EIPR1: variants seen among roughly 807,000 people sequenced by gnomAD.
The protein encoded by EIPR1 is EARP complex and GARP complex interacting protein 1.
Under a neutral mutation model 48.1 loss-of-function variants are expected in EIPR1, and 25 were observed. The observed-to-expected ratio is 0.52, with a 90% CI of 0.38 to 0.73. The LOEUF is 0.73. Among genes scored for constraint, EIPR1 ranks in the 30% least tolerant of loss-of-function variants. The pLI is 0.00. For synonymous variants in EIPR1, 204 were observed against 201.9 expected (o/e 1.01, Z -0.09); for missense variants, 415 against 506.2 (o/e 0.82, Z 1.73).
At position 3,285,477 on chromosome 2, in the gene EIPR1, A is replaced by T. The variant is rs191659173; in HGVS notation, c.260-28022T>A. On this transcript the variant is annotated intron_variant, in intron 3 of 8. Transcript: ENST00000382125. The stretch of plus-strand genomic sequence containing the variant: ...AAACACTGAGCGTTGGGGACTGAGC[A>T]CTTCTAGCTTCAAAACAGGAGTTTG... 3.3e-5 allele frequency among the ~76,000 whole-genome samples: 5 copies of T among 152,278 alleles called. No individual in the cohort carries two copies. In the East Asian group the frequency reaches 9.7e-4, roughly 29 times the overall value.
chr2:3,307,912 C>G (rs145653894), intron 3 of EIPR1, among the ~76,000 whole-genome samples: 249 of 152,248 alleles, frequency 1.6e-3, no homozygotes, highest in Admixed American at 3.1e-3. Context: ...TTGATCATGA[C>G]CCATTGTATA....
intron 3 of EIPR1, among the ~76,000 whole-genome samples, chr2:3,299,502 T>C (rs1253696734): frequency 2.6e-5 from 4 of 152,130 alleles, no homozygotes; most frequent in Admixed American, 6.5e-5. Flanking sequence ...TTGGATTAGA[T>C]TGGCTTTTTG....
At position 3,236,733 on chromosome 2, in the gene EIPR1, G is replaced by A. The variant is rs569832626; in HGVS notation, c.416+20566C>T. Among the ~76,000 whole-genome samples, 5 of 152,252 alleles carry A rather than the reference G, an allele frequency of 3.3e-5. No homozygotes were observed. The East Asian group carries it at 7.7e-4, about 23-fold the overall frequency. On this transcript the variant is annotated intron_variant, in intron 4 of 8. Coordinates refer to ENST00000382125, the MANE Select transcript of EIPR1 (RefSeq NM_003310.5). ...TGTGAGCCTAGGAGGTGACTCCTAC[G>A]CTCTTCCTTATTGTACAGATGAGGT... is the stretch of plus-strand genomic sequence containing the variant.
intron 4 of EIPR1, among the ~76,000 whole-genome samples, chr2:3,220,625 T>C (rs1288753694): frequency 6.6e-6 from 1 of 150,462 alleles, no homozygotes; most frequent in Non-Finnish European, 1.5e-5. Flanking sequence ...AAAGCATTTA[T>C]AGTCAGGTGC....
intron 4 of EIPR1, among the ~76,000 whole-genome samples, chr2:3,234,558 G>A (rs1289548200): frequency 6.6e-6 from 1 of 152,122 alleles, no homozygotes; most frequent in African/African-American, 2.4e-5. Flanking sequence ...CAGGCTGCCA[G>A]AGCCCAGGGC....
At chr2:3,254,119 C>A (rs1353769848) in intron 4 of EIPR1, among the ~76,000 whole-genome samples, 1 of 152,168 alleles carries the variant, frequency 6.6e-6, no homozygotes, top group East Asian at 1.9e-4. Context: ...TGGAGCCTGA[C>A]CCCAAAGGGC....
chr2:3,359,162 T>C (rs1670798885), intron 1 of EIPR1, among the ~76,000 whole-genome samples: 1 of 152,166 alleles, frequency 6.6e-6, no homozygotes, highest in Admixed American at 6.5e-5. Context: ...TAACAACATA[T>C]TAACATTTAT....
intron 3 of EIPR1, among the ~76,000 whole-genome samples, chr2:3,261,072 G>A (rs1254269657): frequency 6.6e-6 from 1 of 152,114 alleles, no homozygotes; most frequent in African/African-American, 2.4e-5. Context: ...TTCTGACTTG[G>A]GCAGTTAAAC....
intron 2 of EIPR1, among the ~76,000 whole-genome samples, chr2:3,349,023 A>G (rs1052929447): frequency 1.3e-5 from 2 of 152,156 alleles, no homozygotes; most frequent in Non-Finnish European, 2.9e-5. Context: ...GATTTTCAGG[A>G]CATCTCACCC....
intron 4 of EIPR1, among the ~76,000 whole-genome samples, chr2:3,230,087 T>C (rs1187012684): frequency 6.6e-6 from 1 of 152,212 alleles, no homozygotes; most frequent in Non-Finnish European, 1.5e-5. Flanking sequence ...CTGTTATCAA[T>C]GGTTTATAGT....
At chr2:3,209,090 G>A (rs554539329) in intron 5 of EIPR1, 1 of 1,401,206 alleles carries the variant, frequency 7.1e-7, no homozygotes, top group African/African-American at 1.4e-5. Context: ...CCCGTTCCAT[G>A]TTTCTCTCAC....
At chr2:3,287,861 A>G (rs576723561) in intron 3 of EIPR1, among the ~76,000 whole-genome samples, 1 of 152,298 alleles carries the variant, frequency 6.6e-6, no homozygotes, top group African/African-American at 2.4e-5. Flanking sequence ...CAGAAAGCTC[A>G]TTCACCATGC....
At chr2:3,260,775 CATT>C (rs1667310585) in intron 3 of EIPR1, among the ~76,000 whole-genome samples, 1 of 152,140 alleles carries the variant, frequency 6.6e-6, no homozygotes, top group African/African-American at 2.4e-5. Flanking sequence ...AGATGCTCAA[CATT>C]ATTAATAATT....
chr2:3,283,900 T>C (rs1285549855), intron 3 of EIPR1, among the ~76,000 whole-genome samples: 1 of 144,482 alleles, frequency 6.9e-6, no homozygotes, highest in Admixed American at 7.1e-5. Flanking sequence ...GAGCCAAGAT[T>C]GCGCCATTGC....
chr2:3,339,112 A>G (rs1670155176), intron 2 of EIPR1, among the ~76,000 whole-genome samples: 1 of 152,222 alleles, frequency 6.6e-6, no homozygotes, highest in Non-Finnish European at 1.5e-5. Context: ...GAACGATGTA[A>G]TATATGTTTT....
rs35498711 is a variant in EIPR1, at chr2:3,237,221, T to TACACACACACACACACACAC, written c.416+20058_416+20077dup. On this transcript the variant is annotated intron_variant, in intron 4 of 8. Transcript: ENST00000382125. ...CAGGATTAAGCTGTATTTTGAAAAC[T>TACACACACACACACACACAC]ACACACACACACACACACACACACA... Among the ~76,000 whole-genome samples, 77 of 127,836 alleles carry TACACACACACACACACACAC rather than the reference T, an allele frequency of 6.0e-4. 1 individual carries two copies. Among genetic ancestry groups the TACACACACACACACACACAC allele is most frequent in the Middle Eastern group, 4.2e-3 (1 of 236 alleles). 83.9% of individuals were successfully genotyped at this position (127,836 alleles called of 152,430 possible). A position where few individuals can be genotyped will look rare whatever the true frequency, so the allele number is the denominator to read the frequency against.
intron 3 of EIPR1, among the ~76,000 whole-genome samples, chr2:3,317,833 G>A (rs980655502): frequency 2.1e-4 from 32 of 152,308 alleles, no homozygotes; most frequent in Admixed American, 7.2e-4. Flanking sequence ...AGAAGGGACC[G>A]ATGGCAGGCC....
At chr2:3,295,656 G>C (rs112268922) in intron 3 of EIPR1, among the ~76,000 whole-genome samples, 1 of 78,630 alleles carries the variant, frequency 1.3e-5, no homozygotes, top group African/African-American at 5.3e-5. Context: ...CATCCAGCCC[G>C]TCCTCTCTAC....
At chr2:3,278,520 C>T (rs916174358) in intron 3 of EIPR1, among the ~76,000 whole-genome samples, 1 of 152,172 alleles carries the variant, frequency 6.6e-6, no homozygotes, top group Admixed American at 6.5e-5. Flanking sequence ...CCCCACAGCA[C>T]CCTGGCAGGA....
Sources: gnomAD v4.1 joint callset for allele counts (sites outside exome capture counted in the v4.1 genomes callset) on GRCh38, gnomAD v4.1.1 for gene constraint, MANE v1.5 for transcripts, NCBI Gene and HGNC (gene_info 2026-07-23, HGNC 2026-07-21) for gene names.